DIP2A: variants seen among roughly 807,000 people sequenced by gnomAD.
DIP2A encodes the protein disco-interacting protein 2 homolog A.
DIP2A carries 85 observed loss-of-function variants against 177.4 expected under a neutral mutation model. The ratio of observed to expected loss-of-function variants is 0.48; its 90% CI spans 0.40 to 0.57. DIP2A has a LOEUF of 0.57. Ranked by LOEUF, DIP2A falls within the 20% of genes least tolerant of loss-of-function variation. DIP2A has a pLI of 0.00. For synonymous variants in DIP2A, 886 were observed against 881.8 expected, an observed-to-expected ratio of 1.00 and a Z score of -0.08; for missense variants, 1,791 against 2,100.2, an observed-to-expected ratio of 0.85 and a Z score of 2.88.
At chr21:46,518,381 C>T (rs1455692068) in intron 8 of DIP2A, among the ~76,000 whole-genome samples, 1 of 152,148 alleles carries the variant, frequency 6.6e-6, no homozygotes, top group African/African-American at 2.4e-5. Context: ...CTACCTGCTC[C>T]CCATCATTAT....
At chr21:46,539,768 C>A in intron 16 of DIP2A, 109 bp from the exon 17 acceptor site, 1 of 882,264 alleles carries the variant, frequency 1.1e-6, no homozygotes, top group Non-Finnish European at 1.9e-6. Context: ...CTGATGCAGC[C>A]CTGTGGTTCC....
intron 36 of DIP2A, 101 bp downstream of exon 36, chr21:46,565,988 G>A (rs1569123237): frequency 7.3e-7 from 1 of 1,361,874 alleles, no homozygotes; most frequent in Non-Finnish European, 1.0e-6. Context: ...CCTTGCTGTG[G>A]TCTGGTATTG....
intron 1 of DIP2A, among the ~76,000 whole-genome samples, chr21:46,465,444 C>G (rs1048492845): frequency 1.3e-5 from 2 of 152,014 alleles, no homozygotes; most frequent in African/African-American, 2.4e-5. Flanking sequence ...CATGGTGGCA[C>G]GTGCCTGTAA....
intron 1 of DIP2A, among the ~76,000 whole-genome samples, chr21:46,474,628 G>A (rs1568921080): frequency 6.6e-6 from 1 of 152,070 alleles, no homozygotes; most frequent in East Asian, 1.9e-4. Context: ...GGTTGAAGAG[G>A]TTTTTTTGTT....
intron 23 of DIP2A, among the ~76,000 whole-genome samples, chr21:46,551,337 T>G (rs2060265355): frequency 6.6e-6 from 1 of 152,192 alleles, no homozygotes; most frequent in Non-Finnish European, 1.5e-5. Context: ...GATTTATACA[T>G]AAAGTACAGT....
chr21:46,556,821 G>A lies in DIP2A; in HGVS notation c.3499-118G>A, dbSNP rs894004974. The A allele has an allele frequency of 5.0e-5, 43 of 867,786 alleles. No individual in the cohort carries two copies. The African/African-American group carries it at 6.3e-4, about 13-fold the overall frequency. The allele number at this position is 867,786 out of a possible 1,614,324, so 53.8% of individuals were successfully genotyped here. On this transcript the variant is annotated intron_variant, in intron 29 of 37. Transcript: ENST00000417564. The surrounding 1 kb of genome is among the most constrained non-coding windows in gnomAD (Gnocchi z 4.5). ...AACCGTCTTTTAAGGAAATAAATAT[G>A]ATGTTTGGTAGTTCGGAGCTATGGT...
intron 2 of DIP2A, 62 bp from the exon 3 acceptor site, chr21:46,490,538 C>T: frequency 2.0e-6 from 3 of 1,507,034 alleles, no homozygotes; most frequent in Non-Finnish European, 2.7e-6. Flanking sequence ...TTTCAATGGA[C>T]TTTTTCATAA....
intron 1 of DIP2A, among the ~76,000 whole-genome samples, chr21:46,478,197 T>C (rs2056070291): frequency 6.6e-6 from 1 of 152,152 alleles, no homozygotes; most frequent in Non-Finnish European, 1.5e-5. Context: ...TCAATTTCTA[T>C]GCAAGAAACT....
chr21:46,508,942 C>T (rs529771037), intron 6 of DIP2A, among the ~76,000 whole-genome samples: 1 of 151,986 alleles, frequency 6.6e-6, no homozygotes, highest in African/African-American at 2.4e-5. Flanking sequence ...TCGCTTGAAC[C>T]CAGGAGGCGG....
intron 1 of DIP2A, among the ~76,000 whole-genome samples, chr21:46,465,509 G>A (rs1208059240): frequency 6.6e-6 from 1 of 152,194 alleles, no homozygotes; most frequent in Non-Finnish European, 1.5e-5. Flanking sequence ...AGGAGGCAGA[G>A]GGAGACTATT....
the DIP2A span, among the ~76,000 whole-genome samples, chr21:46,575,310 A>G: frequency 6.6e-6 from 1 of 152,170 alleles, no homozygotes; most frequent in Non-Finnish European, 1.5e-5. Flanking sequence ...AAAATCCACA[A>G]CAAACATCAT....
chr21:46,535,856 C>T (rs1290976309), intron 13 of DIP2A, among the ~76,000 whole-genome samples: 1 of 152,072 alleles, frequency 6.6e-6, no homozygotes, highest in Non-Finnish European at 1.5e-5. Flanking sequence ...GTAAGAGGAC[C>T]GCCTGAGCCC....
rs780736341 is a variant in DIP2A, at chr21:46,567,663, C to A, written c.*41C>A. ...CCAGGTGCCGGAGATGAATGAGCCC[C>A]AGCAGTCCAAGGTGTGATGTGGGAA... On this transcript the variant is annotated 3_prime_UTR_variant, in exon 38 of 38. Coordinates refer to ENST00000417564, the MANE Select transcript of DIP2A (RefSeq NM_015151.4). 14 of 1,551,136 alleles carry A rather than the reference C, an allele frequency of 9.0e-6. No homozygotes were observed. Among genetic ancestry groups the A allele is most frequent in the Non-Finnish European group, 1.2e-5 (14 of 1,147,126 alleles).
In DIP2A at chr21:46,557,833, A is replaced by C; in HGVS notation, c.3798+80A>C. The C allele has an allele frequency of 1.3e-6, 2 of 1,488,686 alleles. No individual in the cohort carries two copies. The highest frequency in any genetic ancestry group is 1.8e-6 in the Non-Finnish European group (2 of 1,102,914). 92.2% of individuals were successfully genotyped at this position (1,488,686 alleles called of 1,614,324 possible). Reference sequence around the variant, plus strand: ...TTTAAAAACAACAAAACAAAACAAGACTCCCAAGGCCCCTCCCTGCAGTTG... The same window carrying C: ...TTTAAAAACAACAAAACAAAACAAGCCTCCCAAGGCCCCTCCCTGCAGTTG... On this transcript the variant is annotated intron_variant, in intron 31 of 37. Coordinates refer to ENST00000417564, the MANE Select transcript of DIP2A (RefSeq NM_015151.4). This position sits in a 1 kb window ranked among gnomAD's most constrained non-coding sequence, Gnocchi z 6.0.
chr21:46,554,775 C>A, intron 27 of DIP2A, 47 bp from the exon 28 acceptor site: 1 of 1,543,444 alleles, frequency 6.5e-7, no homozygotes, highest in Non-Finnish European at 8.7e-7. Context: ...CTTTTCTGGG[C>A]AGCTTGAGAG....
At chr21:46,480,540 G>T (rs1224668127) in intron 1 of DIP2A, among the ~76,000 whole-genome samples, 2 of 152,152 alleles carry the variant, frequency 1.3e-5, no homozygotes, top group East Asian at 3.9e-4. Flanking sequence ...GACCTGTCTA[G>T]TCGTGGCAGC....
intron 22 of DIP2A, chr21:46,550,133 C>T: frequency 1.9e-6 from 2 of 1,045,324 alleles, no homozygotes; most frequent in Non-Finnish European, 2.6e-6. Flanking sequence ...TTATTTTTTT[C>T]TGATGAGAAC....
chr21:46,515,819 A>G (rs964692919), intron 8 of DIP2A, among the ~76,000 whole-genome samples: 4 of 152,066 alleles, frequency 2.6e-5, no homozygotes, highest in African/African-American at 9.7e-5. Context: ...TACAGGCGTG[A>G]GCTCCCATGC....
At position 46,568,707 on chromosome 21, in the gene DIP2A, A is replaced by C. The variant is rs1418114437; in HGVS notation, c.*1085A>C. On this transcript the variant is annotated 3_prime_UTR_variant, in exon 38 of 38. Coordinates refer to ENST00000417564, the MANE Select transcript of DIP2A (RefSeq NM_015151.4). ...AAATTGCTAGTTTTCCTAACACTAC[A>C]ATATTAATTCTTCTCGTGGAAGTGT... 6.6e-6 allele frequency: 1 copy of C among 152,226 alleles called. No homozygotes were observed. Among genetic ancestry groups the C allele is most frequent in the Admixed American group, 6.5e-5 (1 of 15,288 alleles). The allele number at this position is 152,226 out of a possible 1,614,324, so 9.4% of individuals were successfully genotyped here. A position where few individuals can be genotyped will look rare whatever the true frequency, so the allele number is the denominator to read the frequency against.
Sources: gnomAD v4.1 joint callset for allele counts (sites outside exome capture counted in the v4.1 genomes callset) on GRCh38, gnomAD v4.1.1 for gene constraint, Gnocchi (gnomAD v3.1) non-coding constraint, MANE v1.5 for transcripts, NCBI Gene and HGNC (gene_info 2026-07-23, HGNC 2026-07-21) for gene names.